Variants in HDAC4 observed in about 807,000 individuals in gnomAD.
HDAC4 encodes the protein histone deacetylase 4.
HDAC4 carries 16 observed loss-of-function variants against 135.1 expected under a neutral mutation model. The observed-to-expected ratio is 0.12, with a 90% CI of 0.08 to 0.18. The LOEUF is 0.18. Ranked by LOEUF, HDAC4 falls within the 10% of genes least tolerant of loss-of-function variation. The probability of loss-of-function intolerance (pLI) is 1.00; values close to 1 mark genes in which losing one functional copy is unlikely to be tolerated. For synonymous variants in HDAC4, 685 were observed against 653.4 expected, an observed-to-expected ratio of 1.05 and a Z score of -0.74; for missense variants, 1,143 against 1,511.8, an observed-to-expected ratio of 0.76 and a Z score of 4.05.
intron 2 of HDAC4, among the ~76,000 whole-genome samples, chr2:239,340,591 T>G (rs911719913): frequency 2.6e-5 from 4 of 152,160 alleles, no homozygotes; most frequent in Admixed American, 1.3e-4. Context: ...CACCTTATCA[T>G]TCTGTTACAA....
intron 1 of HDAC4, among the ~76,000 whole-genome samples, chr2:239,367,264 T>C (rs1207050151): frequency 6.6e-6 from 1 of 152,132 alleles, no homozygotes; most frequent in Admixed American, 6.5e-5. Flanking sequence ...CGAGAGCCGG[T>C]GTGAGAAGCA....
At chr2:239,369,816 G>A (rs1694479999) in intron 1 of HDAC4, among the ~76,000 whole-genome samples, 1 of 152,160 alleles carries the variant, frequency 6.6e-6, no homozygotes, top group South Asian at 2.1e-4. Context: ...GAAAACAACG[G>A]AAATGAAGAG....
At chr2:239,361,088 G>A (rs904754600) in intron 1 of HDAC4, among the ~76,000 whole-genome samples, 3 of 151,994 alleles carry the variant, frequency 2.0e-5, no homozygotes, top group Admixed American at 6.6e-5. Flanking sequence ...TCCTTTTTCT[G>A]ATATTTCATT....
chr2:239,230,368 C>CAAAAAAAAAAAAAAAAAAAAAAAAAA (rs56105562), intron 3 of HDAC4, among the ~76,000 whole-genome samples: 8 of 79,392 alleles, frequency 1.0e-4, no homozygotes, highest in East Asian at 3.5e-4. Context: ...AGCAAGCAAG[C>CAAAAAAAAAAAAAAAAAAAAAAAAAA]AAAAAAAAAA....
intron 2 of HDAC4, among the ~76,000 whole-genome samples, chr2:239,304,500 A>G (rs914164087): frequency 1.5e-4 from 23 of 152,338 alleles, no homozygotes; most frequent in African/African-American, 4.8e-4. Context: ...CGTAACAGAC[A>G]TGAAACGTCC....
intron 7 of HDAC4, among the ~76,000 whole-genome samples, chr2:239,153,148 C>G (rs553015111): frequency 6.6e-6 from 1 of 152,300 alleles, no homozygotes; most frequent in Admixed American, 6.5e-5. Context: ...CCAGGGAGGT[C>G]AGACGTTTGA....
At chr2:239,217,111 G>C (rs1250030462) in intron 3 of HDAC4, among the ~76,000 whole-genome samples, 1 of 152,178 alleles carries the variant, frequency 6.6e-6, no homozygotes, top group Admixed American at 6.5e-5. Flanking sequence ...CTGGGCCTAA[G>C]GGTGGGCTCA....
chr2:239,106,840 C>T (rs2038183724), intron 15 of HDAC4, among the ~76,000 whole-genome samples: 1 of 152,216 alleles, frequency 6.6e-6, no homozygotes, highest in African/African-American at 2.4e-5. Context: ...CTCATCTCTG[C>T]CACAGCCACT....
At chr2:239,263,798 C>T (rs146916706) in intron 2 of HDAC4, among the ~76,000 whole-genome samples, 5 of 152,282 alleles carry the variant, frequency 3.3e-5, no homozygotes, top group Non-Finnish European at 4.4e-5. Context: ...CAGAGCAAGC[C>T]GCCTGCCTGG....
In HDAC4 at chr2:239,082,184, T is replaced by C. The variant is rs780570283; in HGVS notation, c.2570A>G (p.Tyr857Cys). 29 of 1,614,060 alleles carry C rather than the reference T, an allele frequency of 1.8e-5. 1 individual carries two copies. Among genetic ancestry groups the C allele is most frequent in the South Asian group, 2.2e-5 (2 of 91,088 alleles). Residue 857 changes from tyrosine to cysteine, a missense_variant, in exon 21 of 27, where the codon TAC becomes TGC. Around this residue, in one of 9 missense-constraint regions of HDAC4, gnomAD observed 189 missense variants for 317.6 expected, o/e 0.60. Transcript: ENST00000543185. The part of the protein sequence containing the change: ...HHGNGTQQAF[Y>C]SDPSVLYMSL... ...CATGTACAGGACGCTGGGGTCGCTG[T>C]AGAAAGCCTGCTGGGTCCCGTTTCC... is the stretch of plus-strand genomic sequence containing the variant.
In HDAC4 at chr2:239,213,266, C is replaced by T. The variant is rs984939240; in HGVS notation, c.95-23189G>A. The stretch of plus-strand genomic sequence containing the variant: ...CGGGGCACAGCCACAAGGACAGATG[C>T]TGGGTAGCCAGGAGGAATGCTGAAG... On this transcript the variant is annotated intron_variant, in intron 3 of 26. Transcript: ENST00000543185. Among the ~76,000 whole-genome samples, 7 of 152,142 alleles carry T rather than the reference C, an allele frequency of 4.6e-5. No homozygotes were observed. In the East Asian group the frequency reaches 1.4e-3, roughly 29 times the overall value.
At chr2:239,178,457 A>G (rs1310413251) in intron 4 of HDAC4, among the ~76,000 whole-genome samples, 3 of 152,184 alleles carry the variant, frequency 2.0e-5, no homozygotes, top group Non-Finnish European at 4.4e-5. Context: ...TATGTTGCCC[A>G]GGCTGGTCTC....
At chr2:239,279,909 C>A (rs1233323204) in intron 2 of HDAC4, among the ~76,000 whole-genome samples, 1 of 152,174 alleles carries the variant, frequency 6.6e-6, no homozygotes, top group African/African-American at 2.4e-5. Context: ...CCATGAGTGG[C>A]CTGTCTGACG....
intron 17 of HDAC4, chr2:239,093,795 T>C (rs2036739188): frequency 3.2e-6 from 1 of 315,218 alleles, no homozygotes; most frequent in Non-Finnish European, 4.6e-6. Flanking sequence ...AAATGATAAA[T>C]TCTGCCTTGC....
At chr2:239,247,381 C>G (rs7573680) in intron 2 of HDAC4, among the ~76,000 whole-genome samples, 1 of 152,102 alleles carries the variant, frequency 6.6e-6, no homozygotes, top group Admixed American at 6.5e-5. Flanking sequence ...GTGGAATATC[C>G]CCCCTGTCGA....
chr2:239,145,237 GC>G (rs2152919120), intron 7 of HDAC4, among the ~76,000 whole-genome samples: 1 of 152,282 alleles, frequency 6.6e-6, no homozygotes, highest in East Asian at 1.9e-4. Context: ...CCCATGCATC[GC>G]CCCAGCTGTG....
intron 4 of HDAC4, among the ~76,000 whole-genome samples, chr2:239,184,284 T>TCGG (rs2044347750): frequency 6.7e-6 from 1 of 149,810 alleles, no homozygotes. Flanking sequence ...CTGTGCCCTA[T>TCGG]GGGGGGGTCC....
At chr2:239,231,099 C>T (rs2047526253) in intron 3 of HDAC4, among the ~76,000 whole-genome samples, 2 of 152,318 alleles carry the variant, frequency 1.3e-5, no homozygotes, top group South Asian at 2.1e-4. Flanking sequence ...AGTTAATCCC[C>T]TTTAAGGTTC....
chr2:239,194,592 C>G (rs973441523), intron 3 of HDAC4, among the ~76,000 whole-genome samples: 3 of 152,230 alleles, frequency 2.0e-5, no homozygotes, highest in African/African-American at 7.2e-5. Context: ...CCTGGCCCAG[C>G]ACTCCCCACT....
Sources: allele counts gnomAD v4.1 joint callset (sites outside exome capture counted in the v4.1 genomes callset), GRCh38; gene constraint gnomAD v4.1.1; regional missense constraint gnomAD v4.1.1; transcripts MANE v1.5; gene names NCBI Gene and HGNC (gene_info 2026-07-23, HGNC 2026-07-21).